The following FOXP2 variants were observed in gnomAD, a reference collection of about 807,000 sequenced individuals.
FOXP2 encodes forkhead box protein P2.
FOXP2 carries 12 observed loss-of-function variants against 115.8 expected under a neutral mutation model. The observed-to-expected ratio is 0.10, with a 90% CI of 0.07 to 0.17. The LOEUF is 0.17. Among genes scored for constraint, FOXP2 ranks in the 10% least tolerant of loss-of-function variants. FOXP2 has a pLI of 1.00. For missense variants in FOXP2, 629 were observed against 843.5 expected, an observed-to-expected ratio of 0.75 and a Z score of 3.15; for synonymous variants, 328 against 297.7, an observed-to-expected ratio of 1.10 and a Z score of -1.05.
intron 2 of FOXP2, among the ~76,000 whole-genome samples, chr7:114,361,400 C>A (rs923603342): frequency 6.6e-6 from 1 of 151,792 alleles, no homozygotes; most frequent in Non-Finnish European, 1.5e-5. Context: ...AGGTAGTTGC[C>A]ATATTAAATT....
intron 3 of FOXP2, among the ~76,000 whole-genome samples, chr7:114,538,637 A>G (rs546566867): frequency 8.6e-5 from 13 of 151,788 alleles, no homozygotes; most frequent in Non-Finnish European, 1.5e-4. Flanking sequence ...TGACATCTTT[A>G]AAATAAAGAT....
chr7:114,680,527 T>A (rs1301316241), intron 16 of FOXP2, among the ~76,000 whole-genome samples: 2 of 152,202 alleles, frequency 1.3e-5, no homozygotes, highest in East Asian at 3.8e-4. Context: ...TACTCTTTAA[T>A]CTGTAATAAT....
At chr7:114,249,385 C>A (rs1795375729) in intron 1 of FOXP2, among the ~76,000 whole-genome samples, 1 of 151,828 alleles carries the variant, frequency 6.6e-6, no homozygotes, top group African/African-American at 2.4e-5. Flanking sequence ...CCCCAGTAGG[C>A]CCCAATGTGT....
chr7:114,635,304 G>C (rs931022047), intron 6 of FOXP2, among the ~76,000 whole-genome samples: 3 of 152,086 alleles, frequency 2.0e-5, no homozygotes, highest in African/African-American at 7.2e-5. Flanking sequence ...ATGATCTTGT[G>C]ATTGCATAGA....
chr7:114,567,742 C>T (rs979924653), intron 3 of FOXP2, among the ~76,000 whole-genome samples: 1 of 152,052 alleles, frequency 6.6e-6, no homozygotes, highest in South Asian at 2.1e-4. Context: ...TCTTTACAAA[C>T]CTGCGGCTTC....
chr7:114,093,384 G>T (rs2129139427), intron 1 of FOXP2, among the ~76,000 whole-genome samples: 1 of 152,030 alleles, frequency 6.6e-6, no homozygotes, highest in African/African-American at 2.4e-5. Flanking sequence ...TTTTCTTTAT[G>T]GTACTATCAT....
rs1351114582 is a variant in FOXP2 at position 114,516,031 on chromosome 7, A to C, written c.169-18586A>C. On this transcript the variant is annotated intron_variant, in intron 2 of 16. Transcript: ENST00000350908. Reference sequence around the variant, plus strand: ...TGCCATCCCCATCAAGCTACCAATGACTTTCTTCACAGAATTGGAAAAAAC... The same window carrying C: ...TGCCATCCCCATCAAGCTACCAATGCCTTTCTTCACAGAATTGGAAAAAAC... 1.1e-4 allele frequency among the ~76,000 whole-genome samples: 17 copies of C among 152,296 alleles called. No individual in the cohort carries two copies. In the South Asian group the frequency reaches 3.3e-3, roughly 30 times the overall value.
At chr7:114,555,874 G>A (rs543802124) in intron 3 of FOXP2, among the ~76,000 whole-genome samples, 1 of 152,176 alleles carries the variant, frequency 6.6e-6, no homozygotes, top group East Asian at 1.9e-4. Flanking sequence ...CCATGGAGGG[G>A]ATCTCCATCA....
intron 1 of FOXP2, among the ~76,000 whole-genome samples, chr7:114,164,483 C>G (rs1359575950): frequency 2.0e-5 from 3 of 151,640 alleles, no homozygotes; most frequent in African/African-American, 7.3e-5. Flanking sequence ...GTAGCTGGGA[C>G]TACAGATGCA....
intron 2 of FOXP2, among the ~76,000 whole-genome samples, chr7:114,328,396 C>T (rs1797614142): frequency 6.6e-6 from 1 of 151,952 alleles, no homozygotes; most frequent in African/African-American, 2.4e-5. Context: ...GCCACCACGC[C>T]CGGCAAATTT....
At chr7:114,612,511 T>A (rs1803690910) in intron 3 of FOXP2, among the ~76,000 whole-genome samples, 3 of 121,272 alleles carry the variant, frequency 2.5e-5, no homozygotes, top group Non-Finnish European at 5.2e-5. Flanking sequence ...AGATAAATTT[T>A]GATTAATAGA....
intron 3 of FOXP2, among the ~76,000 whole-genome samples, chr7:114,623,117 T>C (rs1804342974): frequency 6.6e-6 from 1 of 151,946 alleles, no homozygotes; most frequent in South Asian, 2.1e-4. Context: ...CAAAGTATTA[T>C]TGATTTTGTT....
At chr7:114,488,239 C>T (rs757906583) in intron 2 of FOXP2, among the ~76,000 whole-genome samples, 68 of 151,934 alleles carry the variant, frequency 4.5e-4, no homozygotes, top group South Asian at 2.1e-4. Context: ...AAGAACAGCA[C>T]GAGAAATACC....
chr7:114,638,819 G>T (rs112511153), intron 6 of FOXP2, among the ~76,000 whole-genome samples: 3,041 of 152,114 alleles, frequency 0.02, 108 homozygotes, highest in African/African-American at 0.07. Flanking sequence ...GCCGCTAAAA[G>T]GAATTTTTTG....
intron 1 of FOXP2, among the ~76,000 whole-genome samples, chr7:114,212,075 TAAATA>T (rs10607299): frequency 0.054 from 7,278 of 134,530 alleles, 554 homozygotes; most frequent in African/African-American, 0.17. Flanking sequence ...GTTTCAAAAA[TAAATA>T]AAATAAAATA....
At chr7:114,686,882 A>G (rs1173550416) in intron 16 of FOXP2, among the ~76,000 whole-genome samples, 3 of 152,140 alleles carry the variant, frequency 2.0e-5, no homozygotes, top group Non-Finnish European at 1.5e-5. Context: ...AATAATGTCA[A>G]TGAGCACGTT....
chr7:114,275,214 C>T (rs572809674), intron 1 of FOXP2, among the ~76,000 whole-genome samples: 32 of 151,800 alleles, frequency 2.1e-4, no homozygotes, highest in South Asian at 6.2e-4. Flanking sequence ...AATATTTTGG[C>T]GGAATTCTGT....
At chr7:114,392,941 G>C (rs1188641681) in intron 2 of FOXP2, among the ~76,000 whole-genome samples, 1 of 152,154 alleles carries the variant, frequency 6.6e-6, no homozygotes, top group Non-Finnish European at 1.5e-5. Flanking sequence ...CAGTGCTGAC[G>C]TACAGAGCTT....
At chr7:114,256,260 G>C (rs570711600) in intron 1 of FOXP2, among the ~76,000 whole-genome samples, 142 of 152,080 alleles carry the variant, frequency 9.3e-4, no homozygotes, top group African/African-American at 3.3e-3. Flanking sequence ...GTGCCACCAT[G>C]CCTGGCTAAT....
Sources: allele counts gnomAD v4.1 joint callset (sites outside exome capture counted in the v4.1 genomes callset), GRCh38; gene constraint gnomAD v4.1.1; transcripts MANE v1.5; gene names NCBI Gene and HGNC (gene_info 2026-07-23, HGNC 2026-07-21).